The following NCAPD3 variants were observed in gnomAD, a reference collection of about 807,000 sequenced individuals.
NCAPD3 encodes non-SMC condensin II complex subunit D3.
In NCAPD3, 105 loss-of-function variants were observed where a neutral mutation model predicts 182.9. That is an observed-to-expected ratio of 0.57 (90% confidence interval 0.49 to 0.68). The LOEUF (loss-of-function observed/expected upper bound fraction) is 0.68. Among genes scored for constraint, NCAPD3 ranks in the 30% least tolerant of loss-of-function variants. NCAPD3 has a pLI of 0.00. For synonymous variants in NCAPD3, 815 were observed against 679.9 expected, an observed-to-expected ratio of 1.20 and a Z score of -3.09; for missense variants, 1,944 against 1,837.0, an observed-to-expected ratio of 1.06 and a Z score of -1.07.
rs1943389747 is a variant in NCAPD3, at chr11:134,155,314, A to G, written c.4252+1704T>C. On this transcript the variant is annotated intron_variant, in intron 32 of 34. Coordinates refer to ENST00000534548, the MANE Select transcript of NCAPD3 (RefSeq NM_015261.3). ...CCCCACCTAAACTAAAAGTTGCCAA[A>G]AAGAATCTGGACGTATAAACCACAG... is the stretch of plus-strand genomic sequence containing the variant. 2.6e-5 allele frequency among the ~76,000 whole-genome samples: 4 copies of G among 152,308 alleles called. No individual in the cohort carries two copies. In the South Asian group the frequency reaches 8.3e-4, roughly 32 times the overall value.
At chr11:134,190,596 C>T (rs1320776651) in intron 16 of NCAPD3, among the ~76,000 whole-genome samples, 1 of 152,190 alleles carries the variant, frequency 6.6e-6, no homozygotes, top group Non-Finnish European at 1.5e-5. Context: ...AAGCGATCAT[C>T]CCACCACAGC....
At chr11:134,185,290 T>TA (rs2135986266) in intron 17 of NCAPD3, 45 bp downstream of exon 17, 1 of 1,499,694 alleles carries the variant, frequency 6.7e-7, no homozygotes. Context: ...GCTTTGTTTC[T>TA]AAGACTCTTC....
At chr11:134,175,049 G>A (rs1944126303) in intron 24 of NCAPD3, among the ~76,000 whole-genome samples, 1 of 152,180 alleles carries the variant, frequency 6.6e-6, no homozygotes, top group Non-Finnish European at 1.5e-5. Context: ...AATGCTAGAA[G>A]AGGCCCTGGT....
chr11:134,157,210 C>T (rs1943446466), intron 31 of NCAPD3, 115 bp from the exon 32 acceptor site: 1 of 727,936 alleles, frequency 1.4e-6, no homozygotes, highest in East Asian at 2.9e-5. Context: ...CTAGTGTTTA[C>T]AATTTTCTTA....
intron 1 of NCAPD3, chr11:134,223,054 G>T (rs970997369): frequency 8.0e-6 from 2 of 250,672 alleles, no homozygotes; most frequent in African/African-American, 4.4e-5. Context: ...GACTCCAAAG[G>T]TTATGCTCTT....
At position 134,177,246 on chromosome 11, in the gene NCAPD3, T is replaced by C. The variant is rs1944190853; in HGVS notation, c.2994A>G (p.Thr998=). 6 of 1,614,122 alleles carry C rather than the reference T, an allele frequency of 3.7e-6. No individual in the cohort carries two copies. The highest frequency in any genetic ancestry group is 2.7e-5 in the African/African-American group (2 of 75,046). The part of the protein sequence containing the change: ...KDSDPFIRKQ[T]LILLTNLLQE... ...GCAAGAGATTGGTAAGCAAGATGAG[T>C]GTCTGCTTCCGGATGAATGGGTCGG... is the stretch of plus-strand genomic sequence containing the variant. Residue 998 remains threonine (T), a synonymous_variant, in exon 23 of 35, where the codon ACA becomes ACG. Transcript: ENST00000534548.
At chr11:134,153,455 A>G in intron 32 of NCAPD3, 92 bp from the exon 33 acceptor site, 1 of 1,328,336 alleles carries the variant, frequency 7.5e-7, no homozygotes, top group Non-Finnish European at 1.1e-6. Flanking sequence ...CAGGGTGTCC[A>G]CATCAGTGTC....
intron 19 of NCAPD3, 138 bp from the exon 20 acceptor site, chr11:134,181,322 C>T: frequency 1.7e-6 from 1 of 598,258 alleles, no homozygotes; most frequent in Non-Finnish European, 2.9e-6. Flanking sequence ...CTCTTTCCCA[C>T]AATTTGTCCA....
chr11:134,167,858 C>A (rs560348518), intron 27 of NCAPD3, 138 bp downstream of exon 27: 3 of 850,308 alleles, frequency 3.5e-6, no homozygotes, highest in African/African-American at 1.8e-5. Flanking sequence ...GGGAGCAGCA[C>A]ACTCGTGAGA....
chr11:134,204,827 A>G lies in NCAPD3; in HGVS notation c.1089+72T>C. 8.2e-7 allele frequency: 1 copy of G among 1,216,102 alleles called. No homozygotes were observed. The highest frequency in any genetic ancestry group is 1.3e-5 in the South Asian group (1 of 75,702). The allele number at this position is 1,216,102 out of a possible 1,614,324, so 75.3% of individuals were successfully genotyped here. On this transcript the variant is annotated intron_variant, in intron 9 of 34. Coordinates refer to ENST00000534548, the MANE Select transcript of NCAPD3 (RefSeq NM_015261.3). The surrounding 1 kb of genome is among the most constrained non-coding windows in gnomAD (Gnocchi z 4.3). Reference sequence around the variant, plus strand: ...CCCAAGAACAAATACCCACACTCACACACACACACACACATTTATCTTCAC... The same window carrying G: ...CCCAAGAACAAATACCCACACTCACGCACACACACACACATTTATCTTCAC...
intron 24 of NCAPD3, among the ~76,000 whole-genome samples, chr11:134,170,777 C>G (rs570865868): frequency 4.6e-5 from 7 of 152,286 alleles, no homozygotes; most frequent in Non-Finnish European, 1.0e-4. Flanking sequence ...AAAACCATGC[C>G]AGGATTCACA....
At chr11:134,222,850 T>C (rs1284367838) in intron 1 of NCAPD3, among the ~76,000 whole-genome samples, 4 of 152,214 alleles carry the variant, frequency 2.6e-5, no homozygotes, top group African/African-American at 7.2e-5. Context: ...CAGTGTTTGC[T>C]TGTGGGTATT....
chr11:134,177,184 G>T (rs372006094), intron 23 of NCAPD3, 35 bp downstream of exon 23: 1 of 1,483,448 alleles, frequency 6.7e-7, no homozygotes, highest in African/African-American at 1.4e-5. Context: ...AAGCAATGGT[G>T]AAGGGGAAAG....
At chr11:134,153,474 G>T in intron 32 of NCAPD3, 111 bp from the exon 33 acceptor site, 1 of 1,119,694 alleles carries the variant, frequency 8.9e-7, no homozygotes, top group Non-Finnish European at 1.4e-6. Context: ...TCCCAGCGGC[G>T]GCCCTCAGAC....
rs1251745305 is a variant in NCAPD3, at chr11:134,168,609, C to A, written c.3240-7G>T. The A allele has an allele frequency of 1.9e-6, 3 of 1,613,792 alleles. No homozygotes were observed. The highest frequency in any genetic ancestry group is 2.5e-6 in the Non-Finnish European group (3 of 1,179,998). On this transcript the variant is annotated splice_region_variant and splice_polypyrimidine_tract_variant and intron_variant, in intron 25 of 34. Coordinates refer to ENST00000534548, the MANE Select transcript of NCAPD3 (RefSeq NM_015261.3). ...TGAAAACAGCCGCTTCTCTCTGTGG[C>A]AGAACGGGACAAGTTCACTGCATCA...
chr11:134,167,410 G>C (rs1470009630), intron 27 of NCAPD3, among the ~76,000 whole-genome samples: 14 of 108,240 alleles, frequency 1.3e-4, no homozygotes, highest in African/African-American at 4.0e-4. Flanking sequence ...ACACTCACTT[G>C]TGAGATGAGC....
At chr11:134,211,010 G>C (rs893535010) in intron 3 of NCAPD3, among the ~76,000 whole-genome samples, 15 of 152,194 alleles carry the variant, frequency 9.9e-5, no homozygotes, top group African/African-American at 3.6e-4. Context: ...CATGCACAGG[G>C]TAAAATTCTA....
At chr11:134,184,806 TATATACACACACAC>T in intron 18 of NCAPD3, 54 bp from the exon 19 acceptor site, 2 of 1,068,186 alleles carry the variant, frequency 1.9e-6, no homozygotes, top group Non-Finnish European at 2.7e-6. Context: ...TATTCAGGTA[TATATACACACACAC>T]ACACACACAC....
rs982385310 is a variant in NCAPD3, at chr11:134,150,640, A to G, written c.*2304T>C. 1 of 146,582 alleles carries G rather than the reference A, an allele frequency of 6.8e-6. No individual in the cohort carries two copies. The highest frequency in any genetic ancestry group is 1.5e-5 in the Non-Finnish European group (1 of 66,122). 9.1% of individuals were successfully genotyped at this position (146,582 alleles called of 1,614,324 possible). On this transcript the variant is annotated 3_prime_UTR_variant, in exon 35 of 35. Coordinates refer to ENST00000534548, the MANE Select transcript of NCAPD3 (RefSeq NM_015261.3). ...CTCACAAAATAGGGCCCCCAATGCT[A>G]TTTTTTTTTTTTAAGTTTGTTTAAT...
Sources: gnomAD v4.1 joint callset for allele counts (sites outside exome capture counted in the v4.1 genomes callset) on GRCh38, gnomAD v4.1.1 for gene constraint, Gnocchi (gnomAD v3.1) non-coding constraint, MANE v1.5 for transcripts, NCBI Gene and HGNC (gene_info 2026-07-23, HGNC 2026-07-21) for gene names.